The following TMEM51 variants were observed in gnomAD, a reference collection of about 807,000 sequenced individuals.
TMEM51 encodes the protein chromosome 1 open reading frame 72.
In TMEM51, 8 loss-of-function variants were observed where a neutral mutation model predicts 13.6. The observed-to-expected ratio is 0.59, with a 90% CI of 0.35 to 1.07. The LOEUF (loss-of-function observed/expected upper bound fraction) is 1.07, where lower values mean the gene tolerates loss of function less well. TMEM51 is among the 50% of genes least tolerant of loss of function. The probability of loss-of-function intolerance (pLI) is 0.02; values close to 1 mark genes in which losing one functional copy is unlikely to be tolerated. For missense variants in TMEM51, 279 were observed against 330.7 expected, an observed-to-expected ratio of 0.84 and a Z score of 1.21; for synonymous variants, 147 against 144.4, an observed-to-expected ratio of 1.02 and a Z score of -0.13.
chr1:15,207,649 G>C lies in TMEM51; in HGVS notation c.-266-2841G>C, dbSNP rs765399276. Among the ~76,000 whole-genome samples the C allele has an allele frequency of 6.6e-6, 1 of 152,164 alleles. No individual in the cohort carries two copies. Among genetic ancestry groups the C allele is most frequent in the Non-Finnish European group, 1.5e-5 (1 of 68,026 alleles). ...CTCCCTGCCGGCTCTGGTTGGCCAG[G>C]GGTGTGCACACGAGTGGAAAGAGCC... On this transcript the variant is annotated intron_variant, in intron 1 of 3. Coordinates refer to ENST00000376008, the MANE Select transcript of TMEM51 (RefSeq NM_001136218.2). The surrounding 1 kb of genome is among the most constrained non-coding windows in gnomAD (Gnocchi z 4.6).
chr1:15,180,359 G>A (rs1643577827), intron 1 of TMEM51, among the ~76,000 whole-genome samples: 1 of 152,206 alleles, frequency 6.6e-6, no homozygotes. Context: ...CCATGTGCCG[G>A]GCATCACAGG....
At chr1:15,193,575 C>CTTTCTTT (rs1249772503) in intron 1 of TMEM51, among the ~76,000 whole-genome samples, 1 of 114,656 alleles carries the variant, frequency 8.7e-6, no homozygotes, top group African/African-American at 3.6e-5. Context: ...TTCTTTCTTT[C>CTTTCTTT]TTTTTTTTTT....
In TMEM51 at chr1:15,154,809, G is replaced by T. The variant is rs909446498; in HGVS notation, c.-267+855G>T. On this transcript the variant is annotated intron_variant, in intron 1 of 3. Transcript: ENST00000376008. ...TCCTGCGCAGCGCTCCGAGGTGCCTGTGACGGTGCATGGGACTGCGGGTCC... is the reference window on the plus strand; with the variant it reads ...TCCTGCGCAGCGCTCCGAGGTGCCTTTGACGGTGCATGGGACTGCGGGTCC... Among the ~76,000 whole-genome samples the T allele has an allele frequency of 2.0e-5, 3 of 152,120 alleles. No homozygotes were observed. The East Asian group carries it at 5.8e-4, about 29-fold the overall frequency.
intron 1 of TMEM51, among the ~76,000 whole-genome samples, chr1:15,209,643 G>A (rs990772905): frequency 1.2e-4 from 18 of 152,160 alleles, no homozygotes; most frequent in Admixed American, 7.9e-4. Flanking sequence ...AGAGTGACAC[G>A]TTGTGGTTTA....
chr1:15,191,545 G>A (rs1643921475), intron 1 of TMEM51, among the ~76,000 whole-genome samples: 1 of 152,158 alleles, frequency 6.6e-6, no homozygotes, highest in South Asian at 2.1e-4. Context: ...AGCCACCACT[G>A]CCATTCCCAT....
chr1:15,162,760 A>G (rs1157849203), intron 1 of TMEM51, among the ~76,000 whole-genome samples: 1 of 152,094 alleles, frequency 6.6e-6, no homozygotes, highest in African/African-American at 2.4e-5. Context: ...GAAATAAGCC[A>G]GTCACAAAAA....
intron 1 of TMEM51, among the ~76,000 whole-genome samples, chr1:15,204,981 G>A (rs559507876): frequency 7.2e-5 from 11 of 152,152 alleles, no homozygotes; most frequent in Admixed American, 5.2e-4. Flanking sequence ...TTGGGCTGAC[G>A]GGGACAGGAG....
rs1319459830 is a variant in TMEM51 at position 15,219,453 on chromosome 1, C to T, written c.472C>T (p.Leu158Phe). The T allele has an allele frequency of 3.7e-6, 6 of 1,614,194 alleles. No homozygotes were observed. Among genetic ancestry groups the T allele is most frequent in the Non-Finnish European group, 4.2e-6 (5 of 1,180,044 alleles). ...EEQNPRLSIS[L>F]PSYESLTGLD... ...GCAGAACCCGAGGTTGAGCATCTCT[C>T]TCCCGTCCTATGAGTCACTGACGGG... is the stretch of plus-strand genomic sequence containing the variant. The change falls in exon 4 of 4, where the codon CTC becomes TTC. Residue 158 changes from leucine (L) to phenylalanine (F), a missense_variant. By Grantham distance (22) the Leu-to-Phe change is conservative. Coordinates refer to ENST00000376008, the MANE Select transcript of TMEM51 (RefSeq NM_001136218.2).
chr1:15,184,680 T>C (rs1643718554), intron 1 of TMEM51, among the ~76,000 whole-genome samples: 1 of 152,166 alleles, frequency 6.6e-6, no homozygotes, highest in African/African-American at 2.4e-5. Flanking sequence ...TTGAAACCTT[T>C]GGACAGGTAA....
chr1:15,156,843 C>G (rs1409916799), intron 1 of TMEM51, among the ~76,000 whole-genome samples: 1 of 152,182 alleles, frequency 6.6e-6, no homozygotes. Context: ...GGGCCCTTTA[C>G]TTTAACCCAG....
intron 1 of TMEM51, among the ~76,000 whole-genome samples, chr1:15,158,404 G>T (rs139861175): frequency 6.6e-6 from 1 of 152,260 alleles, no homozygotes; most frequent in Non-Finnish European, 1.5e-5. Flanking sequence ...TTCATACAGA[G>T]GGAGGGAGAC....
chr1:15,214,470 G>T (rs921218024), intron 2 of TMEM51, among the ~76,000 whole-genome samples: 1 of 152,148 alleles, frequency 6.6e-6, no homozygotes, highest in East Asian at 1.9e-4. Context: ...GTTTGGCCTG[G>T]TCATACCATT....
intron 1 of TMEM51, among the ~76,000 whole-genome samples, chr1:15,170,918 C>T (rs1464551373): frequency 6.6e-6 from 1 of 151,988 alleles, no homozygotes. Context: ...TTAGTAGAGA[C>T]GGGGTTTAAC....
intron 1 of TMEM51, among the ~76,000 whole-genome samples, chr1:15,186,661 G>T (rs1483973626): frequency 2.0e-5 from 3 of 152,202 alleles, no homozygotes; most frequent in Non-Finnish European, 4.4e-5. Flanking sequence ...GGCCTGAGGG[G>T]AGTGGCAGGC....
chr1:15,186,706 T>C (rs12040473), intron 1 of TMEM51, among the ~76,000 whole-genome samples: 7,887 of 152,264 alleles, frequency 0.052, 392 homozygotes, highest in East Asian at 0.29. Flanking sequence ...AGCAGGGCTT[T>C]ATCCTGCTAG....
chr1:15,182,254 C>T (rs537439858), intron 1 of TMEM51, among the ~76,000 whole-genome samples: 1 of 152,296 alleles, frequency 6.6e-6, no homozygotes, highest in African/African-American at 2.4e-5. Flanking sequence ...AAGAGCATCC[C>T]TTCTGGAGTC....
At chr1:15,190,723 A>C (rs1643905228) in intron 1 of TMEM51, among the ~76,000 whole-genome samples, 1 of 152,210 alleles carries the variant, frequency 6.6e-6, no homozygotes, top group African/African-American at 2.4e-5. Context: ...CAGGTTATCC[A>C]AGTGAGCATG....
intron 1 of TMEM51, among the ~76,000 whole-genome samples, chr1:15,198,906 G>A (rs1202692986): frequency 1.3e-5 from 2 of 152,198 alleles, no homozygotes; most frequent in African/African-American, 4.8e-5. Flanking sequence ...GCATTCCTCA[G>A]GAGGTCAACC....
chr1:15,193,511 C>A (rs78730502), intron 1 of TMEM51, among the ~76,000 whole-genome samples: 1 of 151,998 alleles, frequency 6.6e-6, no homozygotes, highest in Non-Finnish European at 1.5e-5. Context: ...TGTCCTGTGC[C>A]GGACCTGGAC....
Sources: gnomAD v4.1 joint callset for allele counts (sites outside exome capture counted in the v4.1 genomes callset) on GRCh38, gnomAD v4.1.1 for gene constraint, Gnocchi (gnomAD v3.1) non-coding constraint, MANE v1.5 for transcripts, NCBI Gene and HGNC (gene_info 2026-07-23, HGNC 2026-07-21) for gene names.